DRC2: variants seen among roughly 807,000 people sequenced by gnomAD.
The protein encoded by DRC2 is dynein regulatory complex subunit 2.
the DRC2 span, chr12:48,921,143 C>A: frequency 2.5e-6 from 4 of 1,612,280 alleles, no homozygotes; most frequent in Non-Finnish European, 3.4e-6. Flanking sequence ...CGCTGCACAC[C>A]TTCTCCCTGT....
the DRC2 span, chr12:48,905,100 A>G: frequency 4.4e-6 from 7 of 1,607,686 alleles, 1 homozygote; most frequent in African/African-American, 4.0e-5. Context: ...GACTGTAAGG[A>G]CAATGTCATC....
At chr12:48,910,622 C>T in the DRC2 span, among the ~76,000 whole-genome samples, 1 of 152,194 alleles carries the variant, frequency 6.6e-6, no homozygotes, top group South Asian at 2.1e-4. Context: ...AAAAGTTCCT[C>T]CCCACCAGTG....
At chr12:48,910,130 C>G in the DRC2 span, among the ~76,000 whole-genome samples, 1 of 152,188 alleles carries the variant, frequency 6.6e-6, no homozygotes, top group Non-Finnish European at 1.5e-5. Context: ...AATGACAGCT[C>G]TTATGAAGCC....
the DRC2 span, among the ~76,000 whole-genome samples, chr12:48,913,709 C>A: frequency 6.6e-6 from 1 of 151,920 alleles, no homozygotes; most frequent in Admixed American, 6.6e-5. Context: ...GTTGGCCAGG[C>A]TGGTCTCGAA....
the DRC2 span, chr12:48,918,982 AGCGGGG>A: frequency 8.7e-7 from 1 of 1,143,514 alleles, no homozygotes; most frequent in Admixed American, 2.3e-5. Flanking sequence ...TGGAAAGGAT[AGCGGGG>A]GCTTCTTCCT....
At chr12:48,905,931 C>T in the DRC2 span, among the ~76,000 whole-genome samples, 2 of 152,080 alleles carry the variant, frequency 1.3e-5, no homozygotes, top group African/African-American at 4.8e-5. Context: ...GCCACCATGC[C>T]TGGCTAATTT....
chr12:48,913,255 T>G, the DRC2 span, among the ~76,000 whole-genome samples: 3 of 152,100 alleles, frequency 2.0e-5, no homozygotes, highest in East Asian at 5.8e-4. Flanking sequence ...ACTGCAAATG[T>G]TAGTCATCCA....
At chr12:48,916,951 AGT>A in the DRC2 span, 1 of 1,611,960 alleles carries the variant, frequency 6.2e-7, no homozygotes, top group African/African-American at 1.3e-5. Flanking sequence ...GAGCAGGGAC[AGT>A]GTCTTGTCTC....
chr12:48,915,721 G>T, the DRC2 span, among the ~76,000 whole-genome samples: 2 of 151,260 alleles, frequency 1.3e-5, no homozygotes, highest in African/African-American at 4.9e-5. Flanking sequence ...CCCAGTAGGG[G>T]CGGCCGGGCA....
At chr12:48,920,918 C>T in the DRC2 span, 29 of 1,602,536 alleles carry the variant, frequency 1.8e-5, no homozygotes, top group South Asian at 5.6e-5. Context: ...ACTCTCTTCC[C>T]GCTTCAAATA....
At chr12:48,919,520 AT>A in the DRC2 span, among the ~76,000 whole-genome samples, 229 of 131,286 alleles carry the variant, frequency 1.7e-3, 3 homozygotes, top group Admixed American at 4.5e-3. Context: ...TTAATTAATT[AT>A]TTTTTTTTTT....
chr12:48,920,886 T>G, the DRC2 span: 15 of 1,566,756 alleles, frequency 9.6e-6, no homozygotes, highest in Non-Finnish European at 1.3e-5. Flanking sequence ...AGCTTCCCTC[T>G]TCACTCCCTT....
the DRC2 span, among the ~76,000 whole-genome samples, chr12:48,910,139 C>T: frequency 4.6e-5 from 7 of 152,212 alleles, no homozygotes; most frequent in Non-Finnish European, 1.0e-4. Context: ...TCTTATGAAG[C>T]CTTTCCCAGT....
chr12:48,921,338 G>C, the DRC2 span: 1 of 1,614,178 alleles, frequency 6.2e-7, no homozygotes, highest in Non-Finnish European at 8.5e-7. Flanking sequence ...ACGAAGTGCT[G>C]AGCCAGCTCA....
At chr12:48,919,503 T>G in the DRC2 span, among the ~76,000 whole-genome samples, 4 of 151,240 alleles carry the variant, frequency 2.6e-5, no homozygotes, top group African/African-American at 9.7e-5. Context: ...GAGCTCCCCC[T>G]TACATTTTAA....
the DRC2 span, among the ~76,000 whole-genome samples, chr12:48,915,805 G>T: frequency 1.3e-5 from 2 of 151,814 alleles, no homozygotes; most frequent in Non-Finnish European, 2.9e-5. Context: ...CTCCCGGACG[G>T]GGTGGCTGCC....
chr12:48,918,214 G>A, the DRC2 span: 1 of 1,503,344 alleles, frequency 6.7e-7, no homozygotes, highest in Non-Finnish European at 9.2e-7. Flanking sequence ...ATTGCTGGTA[G>A]AAGTGAAAGG....
the DRC2 span, chr12:48,918,451 G>GA: frequency 3.1e-6 from 5 of 1,613,456 alleles, no homozygotes; most frequent in Admixed American, 1.7e-5. Context: ...AAGTACAGAT[G>GA]AAAAAAATAC....
At chr12:48,904,839 G>A in the DRC2 span, 14 of 935,906 alleles carry the variant, frequency 1.5e-5, no homozygotes, top group African/African-American at 6.6e-5. Flanking sequence ...CCATCAGGCC[G>A]TTCCCATCGA....
Sources: gnomAD v4.1 joint callset for allele counts (sites outside exome capture counted in the v4.1 genomes callset) on GRCh38, gnomAD v4.1.1 for gene constraint, MANE v1.5 for transcripts, NCBI Gene and HGNC (gene_info 2026-07-23, HGNC 2026-07-21) for gene names.